Variants in MAP3K15 observed in about 807,000 individuals in gnomAD.
MAP3K15 encodes mitogen-activated protein kinase kinase kinase 15.
Under a neutral mutation model 99.5 loss-of-function variants are expected in MAP3K15, and 124 were observed. The observed-to-expected ratio is 1.25, with a 90% CI of 1.08 to 1.45. The LOEUF (loss-of-function observed/expected upper bound fraction) is 1.45. Among genes scored for constraint, MAP3K15 ranks in the 40% most tolerant of loss-of-function variants. The probability of loss-of-function intolerance (pLI) is 0.00; values close to 1 mark genes in which losing one functional copy is unlikely to be tolerated. For missense variants in MAP3K15, 1,242 were observed against 1,079.7 expected (o/e 1.15, Z -2.11); for synonymous variants, 494 against 439.6 (o/e 1.12, Z -1.55).
At chrX:19,503,952 CA>C (rs11364528) in intron 1 of MAP3K15, among the ~76,000 whole-genome samples, 23,647 of 105,265 alleles carry the variant, frequency 0.22, 2,672 homozygotes, top group African/African-American at 0.4. Context: ...CCCATCTCTA[CA>C]AAAAAAAGTA....
intron 7 of MAP3K15, among the ~76,000 whole-genome samples, chrX:19,431,026 G>T (rs2063876642): frequency 8.9e-6 from 1 of 111,901 alleles, no homozygotes; most frequent in Admixed American, 9.5e-5. Context: ...CACGTCCGTT[G>T]TGTCTGTATC....
chrX:19,374,788 C>A (rs987032297), intron 19 of MAP3K15, 128 bp from the exon 20 acceptor site: 1 of 565,510 alleles, frequency 1.8e-6, no homozygotes, highest in East Asian at 3.6e-5. Flanking sequence ...CCCCTTGCAA[C>A]GTCACGTTCT....
chrX:19,504,513 G>C (rs751908923), intron 1 of MAP3K15, among the ~76,000 whole-genome samples: 1 of 111,825 alleles, frequency 8.9e-6, no homozygotes, highest in African/African-American at 3.2e-5. Flanking sequence ...TACCACCACA[G>C]AGGGAGAAGC....
At chrX:19,492,441 G>A (rs1216284390) in intron 1 of MAP3K15, among the ~76,000 whole-genome samples, 1 of 111,146 alleles carries the variant, frequency 9.0e-6, no homozygotes, top group Non-Finnish European at 1.9e-5. Context: ...TTTTTTAGCA[G>A]GAGACTCTCA....
At chrX:19,414,259 C>A (rs2063714924) in intron 10 of MAP3K15, 1 of 115,383 alleles carries the variant, frequency 8.7e-6, no homozygotes, top group East Asian at 2.8e-4. Flanking sequence ...GATCACTAAA[C>A]CTGGTTAGAG....
intron 1 of MAP3K15, among the ~76,000 whole-genome samples, chrX:19,502,030 C>T (rs921604256): frequency 1.8e-4 from 20 of 112,514 alleles, no homozygotes; most frequent in African/African-American, 6.5e-4. Context: ...CGTGCCACTG[C>T]ACTCTAGCCT....
At chrX:19,502,962 C>G (rs1418186435) in intron 1 of MAP3K15, among the ~76,000 whole-genome samples, 1 of 111,872 alleles carries the variant, frequency 8.9e-6, no homozygotes, top group African/African-American at 3.3e-5. Flanking sequence ...TTGAACGCAG[C>G]AAGACCGGCC....
intron 3 of MAP3K15, among the ~76,000 whole-genome samples, chrX:19,464,879 TATA>T (rs2064155665): frequency 1.8e-5 from 2 of 111,457 alleles, no homozygotes; most frequent in Admixed American, 1.9e-4. Flanking sequence ...CATATATTAA[TATA>T]ATGAGTCTCA....
chrX:19,481,219 G>A (rs1291854025), intron 3 of MAP3K15, among the ~76,000 whole-genome samples: 1 of 108,148 alleles, frequency 9.2e-6, no homozygotes, highest in Non-Finnish European at 1.9e-5. Context: ...AAACCCTTAC[G>A]TATACAGTCA....
intron 9 of MAP3K15, among the ~76,000 whole-genome samples, chrX:19,421,035 AAAT>A (rs2063779911): frequency 1.8e-5 from 2 of 111,214 alleles, no homozygotes; most frequent in Admixed American, 9.6e-5. Context: ...ACGTATCTCA[AAAT>A]AATAAGAGGT....
chrX:19,440,514 C>T (rs2063951937), intron 6 of MAP3K15, among the ~76,000 whole-genome samples: 1 of 112,417 alleles, frequency 8.9e-6, no homozygotes, highest in South Asian at 3.7e-4. Flanking sequence ...ACAAATAGGA[C>T]CCAGTTATGT....
At chrX:19,394,173 T>G (rs1820452689) in intron 16 of MAP3K15, among the ~76,000 whole-genome samples, 1 of 111,613 alleles carries the variant, frequency 9.0e-6, no homozygotes, top group South Asian at 3.7e-4. Context: ...CTAACTGAAG[T>G]TTTAACATCT....
rs147585981 is a variant in MAP3K15, at chrX:19,479,268, T to C, written c.525+7214A>G. On this transcript the variant is annotated intron_variant, in intron 3 of 28. Coordinates refer to ENST00000338883, the MANE Select transcript of MAP3K15 (RefSeq NM_001001671.4). Reference sequence around the variant, plus strand: ...TCTGAACTGTGTCAGTTCCAGAGAGTATCTCATCCAAGCTACATTCCTAGT... The same window carrying C: ...TCTGAACTGTGTCAGTTCCAGAGAGCATCTCATCCAAGCTACATTCCTAGT... Among the ~76,000 whole-genome samples the C allele has an allele frequency of 6.6e-3, 727 of 110,615 alleles. 3 individuals are homozygous for C. The highest frequency in any genetic ancestry group is 0.023 in the Middle Eastern group (5 of 217).
intron 3 of MAP3K15, among the ~76,000 whole-genome samples, chrX:19,466,458 G>C (rs966168346): frequency 9.0e-6 from 1 of 111,013 alleles, no homozygotes; most frequent in Non-Finnish European, 1.9e-5. Context: ...TTTTATAAGG[G>C]GCTCTTCCCC....
chrX:19,435,373 G>A (rs931117277), intron 6 of MAP3K15, among the ~76,000 whole-genome samples: 1 of 110,594 alleles, frequency 9.0e-6, no homozygotes. Context: ...CTACAGGCAC[G>A]TACTACCACA....
chrX:19,367,254 G>A (rs28446911), intron 25 of MAP3K15, among the ~76,000 whole-genome samples: 23,964 of 110,473 alleles, frequency 0.22, 5,018 homozygotes, highest in African/African-American at 0.66. Context: ...CAAATACCAC[G>A]TGCCGTGGGA....
Position 19,464,196 on chromosome X carries a change from T to C in MAP3K15, c.719+17A>G, listed in dbSNP as rs377338045. On this transcript the variant is annotated intron_variant, in intron 4 of 28. Transcript: ENST00000338883. ...TTGGTGAGTCTCCAGGGGTTACTGGTGGCAGATGGGAATTACCATGAGGTC... is the reference window on the plus strand; with the variant it reads ...TTGGTGAGTCTCCAGGGGTTACTGGCGGCAGATGGGAATTACCATGAGGTC... The C allele has an allele frequency of 9.4e-6, 11 of 1,175,500 alleles. No homozygotes were observed. The African/African-American group carries it at 1.6e-4, about 17-fold the overall frequency.
intron 1 of MAP3K15, among the ~76,000 whole-genome samples, chrX:19,490,140 T>TACAC (rs59202439): frequency 0.047 from 4,358 of 92,358 alleles, 103 homozygotes; most frequent in Middle Eastern, 0.061. Context: ...ATAGGCATTA[T>TACAC]ACACACACAC....
At chrX:19,465,351 T>G (rs2147364738) in intron 3 of MAP3K15, among the ~76,000 whole-genome samples, 1 of 111,774 alleles carries the variant, frequency 8.9e-6, no homozygotes, top group East Asian at 2.8e-4. Flanking sequence ...CTATTATCCC[T>G]GAAAATAGGG....
Sources: allele counts gnomAD v4.1 joint callset (sites outside exome capture counted in the v4.1 genomes callset), GRCh38; gene constraint gnomAD v4.1.1; transcripts MANE v1.5; gene names NCBI Gene and HGNC (gene_info 2026-07-23, HGNC 2026-07-21).